Variants in MED6 observed in about 807,000 individuals in gnomAD.
MED6 encodes the protein mediator of RNA polymerase II transcription subunit 6.
MED6 carries 33 observed loss-of-function variants against 37.5 expected under a neutral mutation model. That is an observed-to-expected ratio of 0.88 (90% CI 0.67 to 1.18). The LOEUF (loss-of-function observed/expected upper bound fraction) is 1.18. MED6 is among the 50% of genes most tolerant of loss of function. The probability of loss-of-function intolerance (pLI) is 0.00; values close to 1 mark genes in which losing one functional copy is unlikely to be tolerated. For missense variants in MED6, 235 were observed against 290.6 expected, an observed-to-expected ratio of 0.81 and a Z score of 1.39; for synonymous variants, 94 against 93.6, an observed-to-expected ratio of 1.00 and a Z score of -0.02.
chr14:70,585,158 C>T (rs1020855489), intron 7 of MED6, among the ~76,000 whole-genome samples: 13 of 152,118 alleles, frequency 8.5e-5, no homozygotes, highest in Non-Finnish European at 1.3e-4. Context: ...GACAAAACTA[C>T]ATAGCATTTA....
Position 70,596,604 on chromosome 14 carries a change from A to T in MED6, c.274+7T>A. On this transcript the variant is annotated splice_region_variant and intron_variant, in intron 3 of 7. Transcript: ENST00000256379. ...AGAAAACAATGCCTAAAGTTTACAC[A>T]TTTTACCTTGGGCAGGGGACTGCCG... 6.2e-7 allele frequency: 1 copy of T among 1,604,340 alleles called. No homozygotes were observed. Among genetic ancestry groups the T allele is most frequent in the Non-Finnish European group, 8.5e-7 (1 of 1,171,828 alleles).
At chr14:70,586,539 T>C (rs1165737150) in intron 6 of MED6, among the ~76,000 whole-genome samples, 1 of 152,222 alleles carries the variant, frequency 6.6e-6, no homozygotes, top group Non-Finnish European at 1.5e-5. Context: ...AAACTTATTA[T>C]AACTTTATAT....
chr14:70,599,256 G>C (rs918155428), intron 1 of MED6, among the ~76,000 whole-genome samples: 13 of 152,142 alleles, frequency 8.5e-5, no homozygotes, highest in African/African-American at 3.1e-4. Context: ...AATGTACTTT[G>C]TGTGCTATAA....
chr14:70,597,856 A>G (rs1248346852), intron 1 of MED6, 79 bp from the exon 2 acceptor site: 4 of 1,186,852 alleles, frequency 3.4e-6, no homozygotes, highest in Non-Finnish European at 4.6e-6. Flanking sequence ...TTATACATCA[A>G]ATGTAGTAGG....
Position 70,584,352 on chromosome 14 carries a change from A to C in MED6, c.*461T>G, listed in dbSNP as rs71425208. The C allele has an allele frequency of 2.1e-6, 1 of 485,408 alleles. No individual in the cohort carries two copies. The highest frequency in any genetic ancestry group is 3.7e-6 in the Non-Finnish European group (1 of 273,782). 30.1% of individuals were successfully genotyped at this position (485,408 alleles called of 1,614,324 possible). A position where few individuals can be genotyped will look rare whatever the true frequency, so the allele number is the denominator to read the frequency against. On this transcript the variant is annotated 3_prime_UTR_variant, in exon 8 of 8. Coordinates refer to ENST00000256379, the MANE Select transcript of MED6 (RefSeq NM_005466.4). ...TACAGAAGACATATAACAAATATTC[A>C]CAAGAAATCATGATGGGAATAATAT...
At chr14:70,598,218 CAGA>C (rs1411261964) in intron 1 of MED6, among the ~76,000 whole-genome samples, 1 of 151,946 alleles carries the variant, frequency 6.6e-6, no homozygotes, top group Non-Finnish European at 1.5e-5. Flanking sequence ...CGCTTGCACC[CAGA>C]AGGTCTCGGA....
At chr14:70,599,923 T>C (rs182617762) in intron 1 of MED6, among the ~76,000 whole-genome samples, 2 of 152,158 alleles carry the variant, frequency 1.3e-5, no homozygotes, top group Admixed American at 6.5e-5. Flanking sequence ...CCAATCCAGT[T>C]AATATTAAAA....
intron 2 of MED6, 37 bp downstream of exon 2, chr14:70,597,581 T>G: frequency 7.0e-7 from 1 of 1,424,984 alleles, no homozygotes; most frequent in Non-Finnish European, 9.2e-7. Context: ...GCAAAACTTG[T>G]ATTTGGAAAA....
chr14:70,589,138 T>G (rs2139592291), intron 6 of MED6, among the ~76,000 whole-genome samples: 1 of 152,336 alleles, frequency 6.6e-6, no homozygotes, highest in Admixed American at 6.5e-5. Context: ...TTTCTTTCCC[T>G]GTATTCTGAA....
chr14:70,596,400 C>T (rs1268464614), intron 3 of MED6: 1 of 450,794 alleles, frequency 2.2e-6, no homozygotes, highest in African/African-American at 1.9e-5. Flanking sequence ...ACTAATCTGG[C>T]TGCGTACCCT....
At chr14:70,595,575 T>G in intron 3 of MED6, 1 of 714,584 alleles carries the variant, frequency 1.4e-6, no homozygotes, top group Non-Finnish European at 2.5e-6. Context: ...GTACCTGGAG[T>G]TGGAGCTGGC....
At chr14:70,588,543 G>A (rs560384485) in intron 6 of MED6, among the ~76,000 whole-genome samples, 14 of 151,880 alleles carry the variant, frequency 9.2e-5, no homozygotes, top group South Asian at 4.2e-4. Context: ...AAAATTAGCC[G>A]GGCGTGGTGG....
intron 3 of MED6, chr14:70,594,698 C>T (rs1002182656): frequency 2.2e-6 from 1 of 460,568 alleles, no homozygotes; most frequent in Non-Finnish European, 4.1e-6. Context: ...CCGTGTCCCG[C>T]TCCACCGGTT....
chr14:70,592,428 G>A (rs763621137), intron 5 of MED6: 1 of 145,036 alleles, frequency 6.9e-6, no homozygotes, highest in Non-Finnish European at 1.5e-5. Context: ...AGTCAGGTAA[G>A]TAAGGAATAT....
At chr14:70,594,202 C>A (rs1321682006) in intron 3 of MED6, among the ~76,000 whole-genome samples, 1 of 152,176 alleles carries the variant, frequency 6.6e-6, no homozygotes, top group East Asian at 1.9e-4. Flanking sequence ...TATCTTGAAT[C>A]TTCTCTTCAG....
rs748624069 is a variant in MED6 at position 70,600,568 on chromosome 14, A to T, written c.22+48T>A. On this transcript the variant is annotated intron_variant, in intron 1 of 7. Coordinates refer to ENST00000256379, the MANE Select transcript of MED6 (RefSeq NM_005466.4). ...TGAAACCGCGAGCTATAACATCCCA[A>T]ACTGGTCCACAGACAATCAAGAGAC... is the stretch of plus-strand genomic sequence containing the variant. 7.5e-6 allele frequency: 12 copies of T among 1,609,462 alleles called. No homozygotes were observed. In the South Asian group the frequency reaches 1.3e-4, roughly 18 times the overall value.
At position 70,584,432 on chromosome 14, in the gene MED6, C is replaced by G. The variant is rs1884641197; in HGVS notation, c.*381G>C. The G allele has an allele frequency of 1.1e-5, 4 of 349,738 alleles. No individual in the cohort carries two copies. Among genetic ancestry groups the G allele is most frequent in the Admixed American group, 4.3e-5 (1 of 23,346 alleles). The allele number at this position is 349,738 out of a possible 1,614,324, so 21.7% of individuals were successfully genotyped here. On this transcript the variant is annotated 3_prime_UTR_variant, in exon 8 of 8. Coordinates refer to ENST00000256379, the MANE Select transcript of MED6 (RefSeq NM_005466.4). ...CTCTGTCGCCCAAGCTGGAGTGCAA[C>G]AGCATGATAATCAGCTCAGGGCAAC...
intron 3 of MED6, 52 bp downstream of exon 3, chr14:70,596,559 T>A (rs1173423358): frequency 7.1e-7 from 1 of 1,415,646 alleles, no homozygotes; most frequent in East Asian, 2.3e-5. Context: ...AGGAAGTAAA[T>A]AAATTATGGT....
intron 5 of MED6, chr14:70,592,478 C>CTGTTTT (rs1884905557): frequency 1.1e-5 from 1 of 88,836 alleles, no homozygotes; most frequent in African/African-American, 5.9e-5. Context: ...TCCTATGTTC[C>CTGTTTT]TTTTTTTTTT....
Sources: allele counts gnomAD v4.1 joint callset (sites outside exome capture counted in the v4.1 genomes callset), GRCh38; gene constraint gnomAD v4.1.1; transcripts MANE v1.5; gene names NCBI Gene and HGNC (gene_info 2026-07-23, HGNC 2026-07-21).